Variants in OPTC observed in about 807,000 individuals in gnomAD.
The protein encoded by OPTC is oculoglycan.
Under a neutral mutation model 25.4 loss-of-function variants are expected in OPTC, and 22 were observed. That is an observed-to-expected ratio of 0.87 (90% confidence interval 0.62 to 1.24). The LOEUF is 1.24. Among genes scored for constraint, OPTC ranks in the 50% most tolerant of loss-of-function variants. The probability of loss-of-function intolerance (pLI) is 0.00; values close to 1 mark genes in which losing one functional copy is unlikely to be tolerated. For synonymous variants in OPTC, 169 were observed against 179.3 expected (o/e 0.94, Z 0.46); for missense variants, 417 against 425.2 (o/e 0.98, Z 0.17).
At chr1:203,505,081 C>T (rs1023822663) in intron 7 of OPTC, among the ~76,000 whole-genome samples, 1 of 152,106 alleles carries the variant, frequency 6.6e-6, no homozygotes. Flanking sequence ...GGCTCTTGGC[C>T]TCAGGCCTCA....
chr1:203,503,089 G>A, intron 6 of OPTC, 80 bp downstream of exon 6: 1 of 1,096,590 alleles, frequency 9.1e-7, no homozygotes, highest in East Asian at 2.4e-5. Flanking sequence ...TCGTGGCAGA[G>A]AGAGGCATGA....
At chr1:203,505,934 GTCTC>G (rs1041852822) in intron 7 of OPTC, among the ~76,000 whole-genome samples, 1 of 141,934 alleles carries the variant, frequency 7.0e-6, no homozygotes, top group Non-Finnish European at 1.5e-5. Context: ...CTCTGTGTGT[GTCTC>G]TCTCTCTCTC....
chr1:203,498,531 C>A, intron 3 of OPTC, 150 bp from the exon 4 acceptor site: 1 of 862,910 alleles, frequency 1.2e-6, no homozygotes, highest in East Asian at 2.5e-5. Flanking sequence ...ACAACAGCAC[C>A]GTGTACATGG....
chr1:203,497,088 C>T lies in OPTC; in HGVS notation c.343C>T (p.Leu115=). 6.2e-7 allele frequency: 1 copy of T among 1,614,088 alleles called. No homozygotes were observed. Among genetic ancestry groups the T allele is most frequent in the Non-Finnish European group, 8.5e-7 (1 of 1,180,022 alleles). The part of the protein sequence containing the change: ...PTMTRPTTAG[L]LLSSQPNHGL... ...GATGACCAGACCTACTACAGCAGGG[C>T]TGCTACTGAGTTCCCAGCCCAACCA... is the stretch of plus-strand genomic sequence containing the variant. The change falls in exon 3 of 8, where the codon CTG becomes TTG. Residue 115 remains leucine (L), a synonymous_variant. Transcript: ENST00000367222.
chr1:203,494,901 T>C (rs571889561), intron 1 of OPTC, among the ~76,000 whole-genome samples: 4 of 152,312 alleles, frequency 2.6e-5, no homozygotes, highest in Admixed American at 1.3e-4. Flanking sequence ...GGCATCTGTG[T>C]GCACACACAC....
chr1:203,495,713 A>G (rs1254217044), intron 1 of OPTC, among the ~76,000 whole-genome samples: 2 of 152,200 alleles, frequency 1.3e-5, no homozygotes, highest in African/African-American at 2.4e-5. Context: ...GTGTCTGCAC[A>G]TGCCTCTGTG....
chr1:203,497,181 CA>C (rs1661294881), intron 3 of OPTC, 66 bp downstream of exon 3: 5 of 1,578,432 alleles, frequency 3.2e-6, no homozygotes, highest in Non-Finnish European at 4.3e-6. Flanking sequence ...GACCCAGCAC[CA>C]GGGGGTACCA....
Position 203,499,728 on chromosome 1 carries a change from C to G in OPTC, c.609C>G (p.Leu203=). The G allele has an allele frequency of 1.2e-6, 2 of 1,613,492 alleles. No homozygotes were observed. Among genetic ancestry groups the G allele is most frequent in the Non-Finnish European group, 1.7e-6 (2 of 1,179,942 alleles). Residue 203 remains leucine (L), a synonymous_variant, in exon 5 of 8, where the codon CTC becomes CTG. Transcript: ENST00000367222. ...ATGCCTTCCGCCTGCTACATGCCCTCCAGGACCTCATCCTCCCAGAGAACC... is the reference window on the plus strand; with the variant it reads ...ATGCCTTCCGCCTGCTACATGCCCTGCAGGACCTCATCCTCCCAGAGAACC... ...DNDAFRLLHA[L]QDLILPENQL...
At chr1:203,503,476 C>A in intron 6 of OPTC, 74 bp from the exon 7 acceptor site, 1 of 1,459,148 alleles carries the variant, frequency 6.9e-7, no homozygotes, top group Non-Finnish European at 9.6e-7. Flanking sequence ...GTAGGGACAG[C>A]TGATGTGAGC....
At position 203,498,800 on chromosome 1, in the gene OPTC, C is replaced by T. The variant is rs750756395; in HGVS notation, c.490C>T (p.Arg164Cys). ...TGCCTACCTGTATGCACGCTTCAAC[C>T]GCATCAGCCGTATCAGGGCCGAAGA... ...RTAYLYARFN[R>C]ISRIRAEDFK... Residue 164 changes from arginine to cysteine, a missense_variant, in exon 4 of 8, where the codon CGC becomes TGC. Coordinates refer to ENST00000367222, the MANE Select transcript of OPTC (RefSeq NM_014359.4). 41 of 1,613,920 alleles carry T rather than the reference C, an allele frequency of 2.5e-5. No homozygotes were observed. Among genetic ancestry groups the T allele is most frequent in the Middle Eastern group, 3.3e-4 (2 of 6,084 alleles).
intron 3 of OPTC, 81 bp downstream of exon 3, chr1:203,497,196 T>A: frequency 6.5e-7 from 1 of 1,531,716 alleles, no homozygotes; most frequent in Non-Finnish European, 9.0e-7. Context: ...GGTACCAAAG[T>A]GGAACGTGGT....
At chr1:203,497,729 G>A (rs1661303971) in intron 3 of OPTC, among the ~76,000 whole-genome samples, 1 of 152,164 alleles carries the variant, frequency 6.6e-6, no homozygotes, top group Admixed American at 6.5e-5. Flanking sequence ...TGCCTTGGGT[G>A]GACCTGGGGT....
intron 3 of OPTC, among the ~76,000 whole-genome samples, chr1:203,498,465 G>T (rs923176417): frequency 6.6e-6 from 1 of 152,226 alleles, no homozygotes; most frequent in Non-Finnish European, 1.5e-5. Context: ...GGGCTGGGTA[G>T]TAACTGAGGA....
At chr1:203,507,747 G>C (rs545550767) in intron 7 of OPTC, among the ~76,000 whole-genome samples, 1 of 147,392 alleles carries the variant, frequency 6.8e-6, no homozygotes, top group Non-Finnish European at 1.5e-5. Context: ...CAGCTCCAGG[G>C]TCCTGTTTTT....
intron 6 of OPTC, among the ~76,000 whole-genome samples, 193 bp downstream of exon 6, chr1:203,503,202 C>T (rs1661419613): frequency 6.6e-6 from 1 of 152,112 alleles, no homozygotes; most frequent in South Asian, 2.1e-4. Flanking sequence ...TTGATTTTCT[C>T]CATTTTTTCT....
intron 5 of OPTC, 85 bp from the exon 6 acceptor site, chr1:203,502,829 C>T: frequency 9.7e-7 from 1 of 1,025,916 alleles, no homozygotes; most frequent in Non-Finnish European, 1.5e-6. Flanking sequence ...CAAATGGGGC[C>T]ACCTGTCTCT....
At chr1:203,494,888 G>A (rs1042997273) in intron 1 of OPTC, among the ~76,000 whole-genome samples, 9 of 151,982 alleles carry the variant, frequency 5.9e-5, no homozygotes, top group African/African-American at 1.2e-4. Context: ...ACATACATAC[G>A]CAGGCATCTG....
At chr1:203,506,350 C>T (rs2102227467) in intron 7 of OPTC, among the ~76,000 whole-genome samples, 1 of 152,026 alleles carries the variant, frequency 6.6e-6, no homozygotes, top group East Asian at 1.9e-4. Context: ...AGGGTTTCTC[C>T]ATGTTGGTCA....
chr1:203,507,324 A>G (rs1450833013), intron 7 of OPTC, among the ~76,000 whole-genome samples: 1 of 152,186 alleles, frequency 6.6e-6, no homozygotes, highest in Non-Finnish European at 1.5e-5. Context: ...CAGCCCTGAG[A>G]GAGTACAAAG....
Sources: allele counts gnomAD v4.1 joint callset (sites outside exome capture counted in the v4.1 genomes callset), GRCh38; gene constraint gnomAD v4.1.1; transcripts MANE v1.5; gene names NCBI Gene and HGNC (gene_info 2026-07-23, HGNC 2026-07-21).